SUGP2: variants seen among roughly 807,000 people sequenced by gnomAD.
The protein encoded by SUGP2 is SURP and G-patch domain-containing protein 2.
Under a neutral mutation model 90.5 loss-of-function variants are expected in SUGP2, and 24 were observed. That is an observed-to-expected ratio of 0.27 (90% CI 0.19 to 0.37). The LOEUF is 0.37. Among genes scored for constraint, SUGP2 ranks in the 10% least tolerant of loss-of-function variants. SUGP2 has a pLI of 1.00. For missense variants in SUGP2, 1,233 were observed against 1,363.3 expected, an observed-to-expected ratio of 0.90 and a Z score of 1.51; for synonymous variants, 473 against 513.4, an observed-to-expected ratio of 0.92 and a Z score of 1.06.
At chr19:18,995,339 C>G in intron 8 of SUGP2, 59 bp from the exon 9 acceptor site, 1 of 1,496,210 alleles carries the variant, frequency 6.7e-7, no homozygotes, top group East Asian at 2.4e-5. Context: ...GATCAAGGGT[C>G]TGTCCTAGGC....
chr19:19,018,157 A>G (rs1226893162), intron 4 of SUGP2, among the ~76,000 whole-genome samples: 1 of 152,072 alleles, frequency 6.6e-6, no homozygotes, highest in Non-Finnish European at 1.5e-5. Context: ...CCCTGTGGAC[A>G]GAACTGGCCA....
chr19:19,027,687 G>C (rs916458229), intron 2 of SUGP2, among the ~76,000 whole-genome samples: 1 of 151,730 alleles, frequency 6.6e-6, no homozygotes, highest in African/African-American at 2.4e-5. Flanking sequence ...TGGAGTGCCG[G>C]AGTGCAAGGG....
chr19:19,007,755 CTTTTTTTT>C (rs34670209), intron 6 of SUGP2, among the ~76,000 whole-genome samples: 5 of 113,434 alleles, frequency 4.4e-5, no homozygotes, highest in Non-Finnish European at 9.0e-5. Context: ...TGCACCTAGC[CTTTTTTTT>C]TTTTTTTTTT....
chr19:19,002,090 T>TA (rs2057856661), intron 7 of SUGP2, among the ~76,000 whole-genome samples: 1 of 152,176 alleles, frequency 6.6e-6, no homozygotes, highest in Non-Finnish European at 1.5e-5. Context: ...GGGAAATAAT[T>TA]AAAGTCTGGC....
intron 2 of SUGP2, among the ~76,000 whole-genome samples, chr19:19,027,175 G>C: frequency 6.6e-6 from 1 of 152,214 alleles, no homozygotes; most frequent in South Asian, 2.1e-4. Context: ...CACACATGGA[G>C]AAACTGTAAG....
intron 1 of SUGP2, among the ~76,000 whole-genome samples, chr19:19,031,672 C>T (rs1471162277): frequency 6.6e-6 from 1 of 152,042 alleles, no homozygotes. Flanking sequence ...CACTGCCCTC[C>T]AGACTGGGGG....
intron 8 of SUGP2, among the ~76,000 whole-genome samples, chr19:19,000,045 C>T (rs1568383851): frequency 6.6e-6 from 1 of 152,200 alleles, no homozygotes; most frequent in Non-Finnish European, 1.5e-5. Flanking sequence ...GGTTCCCGCC[C>T]ACAGGCTGCT....
upstream of SUGP2, chr19:19,033,560 G>T (rs1169707379): frequency 8.0e-7 from 1 of 1,257,598 alleles, no homozygotes; most frequent in Non-Finnish European, 1.0e-6. Context: ...CGCCGCGCAG[G>T]CGCAAGCCGC....
intron 3 of SUGP2, among the ~76,000 whole-genome samples, chr19:19,023,512 T>C (rs1358370017): frequency 1.3e-5 from 2 of 152,132 alleles, no homozygotes; most frequent in African/African-American, 4.8e-5. Flanking sequence ...CTGGTCTTTG[T>C]GATTTTCTTC....
rs745394184 is a variant in SUGP2, at chr19:19,025,992, C to T, written c.356G>A (p.Arg119Gln). ...TTTCCGGTGGCCAATGACCTGGTCC[C>T]GAGAATCAGAGTGAGAAAATTCCAG... The part of the protein sequence containing the change: ...RDLEFSHSDS[R>Q]DQVIGHRKLG... Residue 119 changes from arginine (R) to glutamine (Q), a missense_variant, in exon 3 of 11, where the codon CGG (arginine) becomes CAG (glutamine). Coordinates refer to ENST00000452918, the MANE Select transcript of SUGP2 (RefSeq NM_001017392.5). 12 of 1,613,916 alleles carry T rather than the reference C, an allele frequency of 7.4e-6. No homozygotes were observed. Among genetic ancestry groups the T allele is most frequent in the Admixed American group, 1.7e-5 (1 of 59,964 alleles).
Position 19,019,281 on chromosome 19 carries a change from A to G in SUGP2, c.1730-52T>C, listed in dbSNP as rs116514413. ...AGAAATATGCTGAATGTGGGCTCTG[A>G]GAAGACGAGGATAGTTGAGTAGTTG... On this transcript the variant is annotated intron_variant, in intron 3 of 10. Coordinates refer to ENST00000452918, the MANE Select transcript of SUGP2 (RefSeq NM_001017392.5). 4.4e-3 allele frequency: 6,930 copies of G among 1,580,454 alleles called. 241 individuals are homozygous for G. The African/African-American group carries it at 0.081, about 18-fold the overall frequency.
intron 5 of SUGP2, 59 bp from the exon 6 acceptor site, chr19:19,008,487 C>G: frequency 7.3e-7 from 1 of 1,369,994 alleles, no homozygotes; most frequent in Non-Finnish European, 1.0e-6. Context: ...CCCGTGTAAA[C>G]ACTGCAGGGT....
rs745763089 is a variant in SUGP2 at position 19,026,261 on chromosome 19, G to C, written c.122-35C>G. 4.7e-6 allele frequency: 7 copies of C among 1,474,518 alleles called. No homozygotes were observed. The South Asian group carries it at 6.8e-5, about 14-fold the overall frequency. 91.3% of individuals were successfully genotyped at this position (1,474,518 alleles called of 1,614,324 possible). On this transcript the variant is annotated intron_variant, in intron 2 of 10. Coordinates refer to ENST00000452918, the MANE Select transcript of SUGP2 (RefSeq NM_001017392.5). ...ACCATCCAAAAAAAAAAAAGAAGAAGCCAAAAGATACTTTAGACCAGAGAA... is the reference window on the plus strand; with the variant it reads ...ACCATCCAAAAAAAAAAAAGAAGAACCCAAAAGATACTTTAGACCAGAGAA...
chr19:18,994,103 G>T (rs1599373560), intron 10 of SUGP2: 1 of 364,536 alleles, frequency 2.7e-6, no homozygotes, highest in Admixed American at 4.6e-5. Context: ...GGCCTTGAGG[G>T]GCTCACAGCC....
chr19:19,023,653 C>T (rs1370755741), intron 3 of SUGP2, among the ~76,000 whole-genome samples: 1 of 152,110 alleles, frequency 6.6e-6, no homozygotes, highest in Admixed American at 6.6e-5. Context: ...AATCCCAGCA[C>T]TTTGGGAGGC....
At position 19,009,838 on chromosome 19, in the gene SUGP2, C is replaced by T; in HGVS notation, c.2338+17G>A. Reference sequence around the variant, plus strand: ...GGGACTGGGGCCCAGAGGAGGGGGACAGGAGTGAGCACCCACTGTCAGCAG... The same window carrying T: ...GGGACTGGGGCCCAGAGGAGGGGGATAGGAGTGAGCACCCACTGTCAGCAG... On this transcript the variant is annotated intron_variant, in intron 5 of 10. Coordinates refer to ENST00000452918, the MANE Select transcript of SUGP2 (RefSeq NM_001017392.5). 1 of 1,588,252 alleles carries T rather than the reference C, an allele frequency of 6.3e-7. No individual in the cohort carries two copies. Among genetic ancestry groups the T allele is most frequent in the Non-Finnish European group, 8.6e-7 (1 of 1,166,028 alleles).
chr19:18,995,895 G>T (rs1049436883), intron 8 of SUGP2, among the ~76,000 whole-genome samples: 1 of 152,188 alleles, frequency 6.6e-6, no homozygotes, highest in Non-Finnish European at 1.5e-5. Flanking sequence ...GCTCCTGTGG[G>T]TGGTGGGGAA....
At chr19:18,996,225 C>T (rs933716738) in intron 8 of SUGP2, among the ~76,000 whole-genome samples, 2 of 152,042 alleles carry the variant, frequency 1.3e-5, no homozygotes, top group Admixed American at 6.6e-5. Context: ...GGCAAAACCC[C>T]GTCTCTACTA....
At chr19:18,994,634 C>T in intron 9 of SUGP2, 148 bp from the exon 10 acceptor site, 1 of 1,158,984 alleles carries the variant, frequency 8.6e-7, no homozygotes, top group Non-Finnish European at 1.2e-6. Context: ...AGACGCGACT[C>T]ACAGTAGAAA....
Sources: gnomAD v4.1 joint callset for allele counts (sites outside exome capture counted in the v4.1 genomes callset) on GRCh38, gnomAD v4.1.1 for gene constraint, MANE v1.5 for transcripts, NCBI Gene and HGNC (gene_info 2026-07-23, HGNC 2026-07-21) for gene names.